Variants in ZFP82 observed in about 807,000 individuals in gnomAD.
The protein encoded by ZFP82 is zinc finger protein 82 homolog.
A neutral mutation model predicts 54.0 loss-of-function variants in ZFP82; 30 were observed. The ratio of observed to expected loss-of-function variants is 0.56; its 90% CI spans 0.42 to 0.75. The LOEUF (loss-of-function observed/expected upper bound fraction) is 0.75, where lower values mean the gene tolerates loss of function less well. Ranked by LOEUF, ZFP82 falls within the 30% of genes least tolerant of loss-of-function variation. The pLI, the probability that ZFP82 is intolerant of heterozygous loss-of-function variation, is 0.00. For missense variants in ZFP82, 500 were observed against 636.8 expected (o/e 0.79, Z 2.31); for synonymous variants, 194 against 209.5 (o/e 0.93, Z 0.64).
rs1016735072 is a variant in ZFP82 at position 36,392,157 on chromosome 19, A to G, written c.*584T>C. ...ATGTCTGGTATCTTGGTGGATGTCA[A>G]GAAGACAGGGTTCAGCAGGTGCCTC... On this transcript the variant is annotated 3_prime_UTR_variant, in exon 5 of 5. Coordinates refer to ENST00000392161, the MANE Select transcript of ZFP82 (RefSeq NM_133466.4). 7.2e-5 allele frequency: 11 copies of G among 152,608 alleles called. No individual in the cohort carries two copies. Among genetic ancestry groups the G allele is most frequent in the African/African-American group, 2.7e-4 (11 of 41,438 alleles). The allele number at this position is 152,608 out of a possible 1,614,324, so 9.5% of individuals were successfully genotyped here.
intron 4 of ZFP82, among the ~76,000 whole-genome samples, chr19:36,403,599 G>A (rs987608028): frequency 5.4e-5 from 7 of 130,344 alleles, no homozygotes; most frequent in Non-Finnish European, 3.1e-5. Context: ...CAGCCTGGGC[G>A]ACAGAGCGAG....
chr19:36,405,220 A>C (rs2032460041), intron 4 of ZFP82, among the ~76,000 whole-genome samples: 1 of 151,836 alleles, frequency 6.6e-6, no homozygotes, highest in East Asian at 1.9e-4. Flanking sequence ...CAAAGGAGGA[A>C]AGCAACTGAA....
At chr19:36,396,900 A>T (rs1265896169) in intron 4 of ZFP82, among the ~76,000 whole-genome samples, 1 of 152,032 alleles carries the variant, frequency 6.6e-6, no homozygotes, top group African/African-American at 2.4e-5. Context: ...AGTATCTATA[A>T]AACATAACCA....
At position 36,407,982 on chromosome 19, in the gene ZFP82, T is replaced by A. The variant is rs751274400; in HGVS notation, c.41A>T (p.Asp14Val). The A allele has an allele frequency of 5.6e-6, 9 of 1,614,010 alleles. No individual in the cohort carries two copies. The highest frequency in any genetic ancestry group is 3.3e-5 in the Admixed American group (2 of 60,002). The part of the protein sequence containing the change: ...RSVMFSDVSI[D>V]FSPEEWEYLD... ...GTATTCCCACTCTTCTGGAGAGAAG[T>A]CTATGGATACATCACTGAACATCAC... The change falls in exon 3 of 5, where the codon GAC becomes GTC. Residue 14 changes from aspartate (D) to valine (V), a missense_variant. Transcript: ENST00000392161.
At chr19:36,402,191 G>C (rs907395811) in intron 4 of ZFP82, among the ~76,000 whole-genome samples, 3 of 152,106 alleles carry the variant, frequency 2.0e-5, no homozygotes, top group African/African-American at 7.2e-5. Context: ...TTAGGAGGCC[G>C]GGCACAGTGG....
At position 36,393,884 on chromosome 19, in the gene ZFP82, C is replaced by T; in HGVS notation, c.456G>A (p.Gln152=). Reference sequence around the variant, plus strand: ...GATGTGGAGTAACAGATGTGCGTTTCTGGTAAGAGGACACCTTTTCAGATG... The same window carrying T: ...GATGTGGAGTAACAGATGTGCGTTTTTGGTAAGAGGACACCTTTTCAGATG... ...KMPSEKVSSY[Q]KRTSVTPHQR... is the part of the protein sequence containing the mutation. Residue 152 remains glutamine, a synonymous_variant, in exon 5 of 5, where the codon CAG becomes CAA. Coordinates refer to ENST00000392161, the MANE Select transcript of ZFP82 (RefSeq NM_133466.4). 3.7e-6 allele frequency: 6 copies of T among 1,614,190 alleles called. No individual in the cohort carries two copies. Among genetic ancestry groups the T allele is most frequent in the Non-Finnish European group, 5.1e-6 (6 of 1,180,040 alleles).
At chr19:36,409,730 G>C in intron 2 of ZFP82, 51 bp downstream of exon 2, 1 of 1,598,972 alleles carries the variant, frequency 6.3e-7, no homozygotes, top group South Asian at 1.1e-5. Context: ...ATAAAAAAAT[G>C]GTCACAGAAC....
chr19:36,405,747 T>C, intron 3 of ZFP82, 75 bp from the exon 4 acceptor site: 1 of 1,091,468 alleles, frequency 9.2e-7, no homozygotes, highest in Non-Finnish European at 1.3e-6. Flanking sequence ...CAGTCTTGGT[T>C]AAAGTATATG....
chr19:36,405,188 A>G (rs1376127926), intron 4 of ZFP82, among the ~76,000 whole-genome samples: 3 of 22,796 alleles, frequency 1.3e-4, no homozygotes, highest in East Asian at 6.7e-4. Context: ...GCATCTCAGA[A>G]AAAAAAAAAA....
chr19:36,390,185 A>G lies in ZFP82; in HGVS notation c.*2556T>C, dbSNP rs1209074865. Among the ~76,000 whole-genome samples, 3 of 152,082 alleles carry G rather than the reference A, an allele frequency of 2.0e-5. No individual in the cohort carries two copies. On this transcript the variant is annotated 3_prime_UTR_variant, in exon 5 of 5. Transcript: ENST00000392161. ...CGTATAAACTTCTTCCTTCATGACAATAATTTCCATGTCTGCCTGTCTCAC... is the reference window on the plus strand; with the variant it reads ...CGTATAAACTTCTTCCTTCATGACAGTAATTTCCATGTCTGCCTGTCTCAC...
rs527474314 is a variant in ZFP82, at chr19:36,417,397, T to C, written c.-79+1095A>G. Reference sequence around the variant, plus strand: ...AGGCTCTCGGGAGGGGACCTAGGTATCAGCTCAATGGACAGGACATTTATG... The same window carrying C: ...AGGCTCTCGGGAGGGGACCTAGGTACCAGCTCAATGGACAGGACATTTATG... On this transcript the variant is annotated intron_variant, in intron 1 of 4. Coordinates refer to ENST00000392161, the MANE Select transcript of ZFP82 (RefSeq NM_133466.4). 1.4e-4 allele frequency among the ~76,000 whole-genome samples: 22 copies of C among 152,290 alleles called. No individual in the cohort carries two copies. In the South Asian group the frequency reaches 4.6e-3, roughly 32 times the overall value.
intron 1 of ZFP82, among the ~76,000 whole-genome samples, chr19:36,416,484 C>T (rs1332645153): frequency 1.3e-5 from 2 of 152,156 alleles, no homozygotes; most frequent in African/African-American, 2.4e-5. Flanking sequence ...TGGCCGGGCA[C>T]GGTGGCTCAT....
intron 4 of ZFP82, among the ~76,000 whole-genome samples, chr19:36,403,979 C>T: frequency 6.6e-6 from 1 of 152,190 alleles, no homozygotes; most frequent in Non-Finnish European, 1.5e-5. Context: ...TCCCAGCACA[C>T]ATCTCCATCC....
chr19:36,411,150 C>T (rs537791141), intron 1 of ZFP82, among the ~76,000 whole-genome samples: 9 of 151,202 alleles, frequency 6.0e-5, no homozygotes, highest in Admixed American at 1.3e-4. Context: ...GCCGAGATTG[C>T]GCCATTGCAC....
chr19:36,395,283 C>T (rs754026090), intron 4 of ZFP82: 2 of 152,232 alleles, frequency 1.3e-5, no homozygotes, highest in Admixed American at 6.5e-5. Flanking sequence ...TTCTATTACT[C>T]ATTCATTTGA....
At chr19:36,413,544 A>G (rs2032614745) in intron 1 of ZFP82, among the ~76,000 whole-genome samples, 1 of 152,250 alleles carries the variant, frequency 6.6e-6, no homozygotes, top group Non-Finnish European at 1.5e-5. Context: ...ACATTAATTA[A>G]AGAAGGAAGA....
chr19:36,388,721 CTGTTA>C lies in ZFP82; in HGVS notation c.*4015_*4019del, dbSNP rs2032144849. Among the ~76,000 whole-genome samples the C allele has an allele frequency of 6.6e-6, 1 of 152,112 alleles. No individual in the cohort carries two copies. The highest frequency in any genetic ancestry group is 1.5e-5 in the Non-Finnish European group (1 of 68,008). ...TCTTTTCAAAGAGAATATCCTTAGT[CTGTTA>C]TTTTATTAACTATTCCATTAATTTA... On this transcript the variant is annotated 3_prime_UTR_variant, in exon 5 of 5. Transcript: ENST00000392161.
At chr19:36,396,663 AATAC>A (rs1315143561) in intron 4 of ZFP82, among the ~76,000 whole-genome samples, 8 of 152,086 alleles carry the variant, frequency 5.3e-5, no homozygotes, top group East Asian at 3.9e-4. Context: ...CTCAAAAAAA[AATAC>A]ATACATAAAT....
chr19:36,400,018 G>C (rs2032357022), intron 4 of ZFP82, among the ~76,000 whole-genome samples: 1 of 152,142 alleles, frequency 6.6e-6, no homozygotes, highest in Admixed American at 6.5e-5. Context: ...ACATACATTT[G>C]AATGTTCTAA....
Sources: gnomAD v4.1 joint callset for allele counts (sites outside exome capture counted in the v4.1 genomes callset) on GRCh38, gnomAD v4.1.1 for gene constraint, MANE v1.5 for transcripts, NCBI Gene and HGNC (gene_info 2026-07-23, HGNC 2026-07-21) for gene names.